DLG2: variants seen among roughly 807,000 people sequenced by gnomAD.
The protein encoded by DLG2 is disks large homolog 2.
Under a neutral mutation model 132.5 loss-of-function variants are expected in DLG2, and 45 were observed. The observed-to-expected ratio is 0.34, with a 90% CI of 0.27 to 0.44. The LOEUF (loss-of-function observed/expected upper bound fraction) is 0.44, where lower values mean the gene tolerates loss of function less well. Among genes scored for constraint, DLG2 ranks in the 20% least tolerant of loss-of-function variants. The pLI, the probability that DLG2 is intolerant of heterozygous loss-of-function variation, is 1.00. For missense variants in DLG2, 1,045 were observed against 1,196.9 expected (o/e 0.87, Z 1.87); for synonymous variants, 424 against 419.6 (o/e 1.01, Z -0.13).
chr11:84,954,475 C>A (rs568056043), intron 6 of DLG2, among the ~76,000 whole-genome samples: 1 of 152,042 alleles, frequency 6.6e-6, no homozygotes, highest in African/African-American at 2.4e-5. Flanking sequence ...TTCAGTGAAT[C>A]TTTAGTAAGC....
chr11:85,623,568 G>T (rs905243571), intron 2 of DLG2, among the ~76,000 whole-genome samples: 6 of 152,188 alleles, frequency 3.9e-5, no homozygotes, highest in Non-Finnish European at 5.9e-5. Flanking sequence ...CTCCCAAAGT[G>T]CTGGGATTAC....
At chr11:83,802,551 G>GT (rs1255350763) in intron 17 of DLG2, among the ~76,000 whole-genome samples, 2 of 152,100 alleles carry the variant, frequency 1.3e-5, no homozygotes, top group African/African-American at 2.4e-5. Flanking sequence ...TTTAAACTTA[G>GT]TTTTTTTGTG....
In DLG2 at chr11:84,547,769, T is replaced by G. The variant is rs545711843; in HGVS notation, c.358-13038A>C. 2.6e-4 allele frequency among the ~76,000 whole-genome samples: 40 copies of G among 152,208 alleles called. 1 individual carries two copies. The highest frequency in any genetic ancestry group is 2.5e-3 in the Admixed American group (38 of 15,282). On this transcript the variant is annotated intron_variant, in intron 6 of 27. Transcript: ENST00000376104. ...GCCATTCTCACTGGAATGGGAAGAG[T>G]TCACAATTCATTATTGTACCAGGGG...
chr11:85,200,402 C>A (rs535739838), intron 4 of DLG2, among the ~76,000 whole-genome samples: 38 of 152,244 alleles, frequency 2.5e-4, no homozygotes, highest in African/African-American at 8.9e-4. Flanking sequence ...AGTCCCAGCT[C>A]AGTGCTGTTC....
intron 6 of DLG2, among the ~76,000 whole-genome samples, chr11:84,843,764 A>T (rs2081011955): frequency 6.6e-6 from 1 of 151,848 alleles, no homozygotes; most frequent in Non-Finnish European, 1.5e-5. Flanking sequence ...AAAAGTCTAT[A>T]CATGTTCAAT....
At chr11:84,440,927 C>G (rs1266266268) in intron 7 of DLG2, among the ~76,000 whole-genome samples, 1 of 152,032 alleles carries the variant, frequency 6.6e-6, no homozygotes, top group South Asian at 2.1e-4. Flanking sequence ...TTTTTAAAAA[C>G]AGAGCCAAAA....
intron 6 of DLG2, among the ~76,000 whole-genome samples, chr11:85,032,755 A>G (rs968248364): frequency 2.0e-5 from 3 of 152,214 alleles, no homozygotes; most frequent in Admixed American, 2.0e-4. Flanking sequence ...AAAAAAAAGA[A>G]AAACTGGATG....
chr11:84,750,773 A>G (rs1188065697), intron 6 of DLG2, among the ~76,000 whole-genome samples: 2 of 152,272 alleles, frequency 1.3e-5, no homozygotes, highest in East Asian at 3.9e-4. Flanking sequence ...AAGGATTTCA[A>G]ATCACATCTG....
chr11:85,458,607 T>A (rs1256245168), intron 3 of DLG2, among the ~76,000 whole-genome samples: 1 of 152,232 alleles, frequency 6.6e-6, no homozygotes, highest in African/African-American at 2.4e-5. Context: ...ACTTCTTTTC[T>A]GGGTGTTTTC....
chr11:85,340,042 T>C (rs2082378547), intron 3 of DLG2, among the ~76,000 whole-genome samples: 1 of 152,190 alleles, frequency 6.6e-6, no homozygotes, highest in South Asian at 2.1e-4. Context: ...CTGTTGGTGC[T>C]AGTGTAAATT....
At chr11:83,991,723 C>G (rs2093724376) in intron 11 of DLG2, among the ~76,000 whole-genome samples, 2 of 152,020 alleles carry the variant, frequency 1.3e-5, no homozygotes, top group African/African-American at 4.8e-5. Context: ...TATTACAAAC[C>G]ATCCTTAATC....
chr11:84,263,834 T>C (rs1024703639), intron 7 of DLG2, among the ~76,000 whole-genome samples: 1 of 152,076 alleles, frequency 6.6e-6, no homozygotes, highest in Non-Finnish European at 1.5e-5. Context: ...GAAGTATGAG[T>C]TTTAGTTTGC....
intron 6 of DLG2, among the ~76,000 whole-genome samples, chr11:84,952,936 T>C (rs1224753083): frequency 1.3e-5 from 2 of 152,218 alleles, no homozygotes; most frequent in African/African-American, 2.4e-5. Flanking sequence ...CCTTTTCAAC[T>C]TTATTTTCTA....
intron 16 of DLG2, among the ~76,000 whole-genome samples, chr11:83,842,816 C>T (rs1440754811): frequency 2.9e-5 from 2 of 68,422 alleles, no homozygotes; most frequent in African/African-American, 9.3e-5. Context: ...ACTCTGTCTC[C>T]AAAAAAAAAA....
At chr11:84,020,324 T>C (rs578130993) in intron 11 of DLG2, among the ~76,000 whole-genome samples, 2 of 152,214 alleles carry the variant, frequency 1.3e-5, no homozygotes, top group South Asian at 2.1e-4. Context: ...GAAATATATA[T>C]AGATATAGAT....
At chr11:85,500,201 C>T (rs994774633) in intron 3 of DLG2, among the ~76,000 whole-genome samples, 8 of 152,022 alleles carry the variant, frequency 5.3e-5, no homozygotes, top group South Asian at 2.1e-4. Context: ...AAAACCCCAT[C>T]GTCTCAGCCC....
chr11:83,923,172 T>G (rs1340809019), intron 15 of DLG2, among the ~76,000 whole-genome samples: 1 of 152,126 alleles, frequency 6.6e-6, no homozygotes, highest in African/African-American at 2.4e-5. Flanking sequence ...CTACCTGATT[T>G]GTGATAGCAA....
chr11:84,361,606 G>C (rs2098650182), intron 7 of DLG2, among the ~76,000 whole-genome samples: 1 of 151,944 alleles, frequency 6.6e-6, no homozygotes, highest in Admixed American at 6.6e-5. Context: ...TCTATACACA[G>C]AATTTATAGC....
At chr11:83,938,543 C>G (rs1052419849) in intron 14 of DLG2, among the ~76,000 whole-genome samples, 10 of 152,058 alleles carry the variant, frequency 6.6e-5, no homozygotes, top group African/African-American at 2.2e-4. Flanking sequence ...TTTTAAAATC[C>G]ATAGTTGATA....
Sources: gnomAD v4.1 joint callset for allele counts (sites outside exome capture counted in the v4.1 genomes callset) on GRCh38, gnomAD v4.1.1 for gene constraint, MANE v1.5 for transcripts, NCBI Gene and HGNC (gene_info 2026-07-23, HGNC 2026-07-21) for gene names.